Variants in CADM2 observed in about 807,000 individuals in gnomAD.
CADM2 encodes immunoglobulin superfamily member 4D.
In CADM2, 12 loss-of-function variants were observed where a neutral mutation model predicts 49.8. That is an observed-to-expected ratio of 0.24 (90% CI 0.15 to 0.39). CADM2 has a LOEUF of 0.39. Ranked by LOEUF, CADM2 falls within the 10% of genes least tolerant of loss-of-function variation. CADM2 has a pLI of 1.00. For synonymous variants in CADM2, 214 were observed against 175.4 expected (o/e 1.22, Z -1.74); for missense variants, 378 against 492.3 (o/e 0.77, Z 2.20).
chr3:85,685,199 G>A (rs767146167), intron 1 of CADM2, among the ~76,000 whole-genome samples: 43 of 152,150 alleles, frequency 2.8e-4, no homozygotes, highest in Non-Finnish European at 5.7e-4. Context: ...ATTTTAGAAT[G>A]ATCTGTCAGT....
chr3:85,883,689 T>A (rs1713147783), intron 4 of CADM2, among the ~76,000 whole-genome samples: 1 of 152,360 alleles, frequency 6.6e-6, no homozygotes, highest in African/African-American at 2.4e-5. Context: ...ATTTTGTTTC[T>A]TAGCCAGCAA....
intron 5 of CADM2, among the ~76,000 whole-genome samples, chr3:85,897,206 C>T (rs149035160): frequency 9.2e-6 from 1 of 108,146 alleles, no homozygotes; most frequent in East Asian, 3.3e-4. Context: ...ATTAATGTTT[C>T]TGAGAATTAC....
At chr3:84,998,173 T>C (rs9828496) in intron 1 of CADM2, among the ~76,000 whole-genome samples, 37,190 of 152,104 alleles carry the variant, frequency 0.24, 5,494 homozygotes, top group Non-Finnish European at 0.34. Flanking sequence ...GTAAGCTATT[T>C]TTATAATGAG....
chr3:85,435,103 G>T (rs2036864407), intron 1 of CADM2, among the ~76,000 whole-genome samples: 1 of 151,886 alleles, frequency 6.6e-6, no homozygotes, highest in Non-Finnish European at 1.5e-5. Flanking sequence ...ATGTGCCATG[G>T]TGATCTGCTA....
intron 3 of CADM2, among the ~76,000 whole-genome samples, chr3:85,860,910 C>A (rs764752601): frequency 6.6e-6 from 1 of 152,012 alleles, no homozygotes; most frequent in Non-Finnish European, 1.5e-5. Flanking sequence ...CTCTGAGGTG[C>A]GAATATAGCT....
chr3:85,972,163 G>A (rs1175435489), intron 8 of CADM2, among the ~76,000 whole-genome samples: 4 of 151,630 alleles, frequency 2.6e-5, no homozygotes, highest in Admixed American at 2.0e-4. Context: ...ATAGGCTGCT[G>A]CATGTAGCTG....
intron 1 of CADM2, among the ~76,000 whole-genome samples, chr3:85,708,646 A>G (rs2067021941): frequency 1.3e-5 from 2 of 152,210 alleles, no homozygotes; most frequent in African/African-American, 4.8e-5. Flanking sequence ...AAAAAGTTAA[A>G]CAAAGACAAA....
chr3:85,880,812 G>A (rs1450329419), intron 3 of CADM2, among the ~76,000 whole-genome samples: 1 of 152,178 alleles, frequency 6.6e-6, no homozygotes, highest in Non-Finnish European at 1.5e-5. Flanking sequence ...AGCTCAGGCA[G>A]TGATGCTAGC....
chr3:84,970,370 A>G (rs1448539221), intron 1 of CADM2, among the ~76,000 whole-genome samples: 1 of 151,846 alleles, frequency 6.6e-6, no homozygotes, highest in Non-Finnish European at 1.5e-5. Context: ...CTCGAAACCA[A>G]GGGAGAAAAG....
chr3:85,921,360 AC>A (rs1468275218), intron 6 of CADM2, among the ~76,000 whole-genome samples: 1 of 151,932 alleles, frequency 6.6e-6, no homozygotes, highest in East Asian at 1.9e-4. Flanking sequence ...CATGAGAAAA[AC>A]GTATAGTTAG....
At chr3:85,182,284 T>A (rs989004829) in intron 1 of CADM2, among the ~76,000 whole-genome samples, 1 of 152,072 alleles carries the variant, frequency 6.6e-6, no homozygotes, top group African/African-American at 2.4e-5. Context: ...TCTTATAGAA[T>A]CTGGAAAGGG....
At chr3:85,833,755 A>T (rs1357208496) in intron 3 of CADM2, among the ~76,000 whole-genome samples, 2 of 151,658 alleles carry the variant, frequency 1.3e-5, no homozygotes, top group African/African-American at 4.8e-5. Flanking sequence ...TAATTAATAT[A>T]GCTTTGTTAC....
chr3:86,024,678 C>G (rs1733660518), intron 8 of CADM2, among the ~76,000 whole-genome samples: 1 of 152,048 alleles, frequency 6.6e-6, no homozygotes, highest in East Asian at 1.9e-4. Context: ...AAACTTTTAT[C>G]ACATTGTGGG....
At chr3:85,087,113 C>T (rs1246847613) in intron 1 of CADM2, among the ~76,000 whole-genome samples, 3 of 152,072 alleles carry the variant, frequency 2.0e-5, no homozygotes, top group Non-Finnish European at 2.9e-5. Flanking sequence ...AGGTCAAAAA[C>T]TTCTGATGAC....
At chr3:85,127,431 G>A (rs1313699407) in intron 1 of CADM2, among the ~76,000 whole-genome samples, 1 of 152,160 alleles carries the variant, frequency 6.6e-6, no homozygotes, top group African/African-American at 2.4e-5. Context: ...TTCGTAAAGG[G>A]CCAACTGGCC....
rs549892971 is a variant in CADM2 at position 85,214,342 on chromosome 3, G to A, written c.61+254674G>A. On this transcript the variant is annotated intron_variant, in intron 1 of 9. Transcript: ENST00000383699. ...TAGAGCTGGGAGAGAGGTAACACAG[G>A]CACCTCTGTGGCCACCACCGTTGGT... 2.0e-5 allele frequency among the ~76,000 whole-genome samples: 3 copies of A among 152,088 alleles called. No individual in the cohort carries two copies. The South Asian group carries it at 6.2e-4, about 32-fold the overall frequency.
At chr3:85,956,560 C>A (rs1489956075) in intron 7 of CADM2, among the ~76,000 whole-genome samples, 1 of 151,354 alleles carries the variant, frequency 6.6e-6, no homozygotes, top group African/African-American at 2.4e-5. Context: ...ATCAAGAATT[C>A]TTGAAGGATT....
At chr3:85,363,313 G>A (rs748501830) in intron 1 of CADM2, among the ~76,000 whole-genome samples, 1 of 152,060 alleles carries the variant, frequency 6.6e-6, no homozygotes. Flanking sequence ...AATCAATGAG[G>A]TCATTTTTAT....
At chr3:85,571,805 C>G (rs17460638) in intron 1 of CADM2, among the ~76,000 whole-genome samples, 31,444 of 152,044 alleles carry the variant, frequency 0.21, 3,869 homozygotes, top group East Asian at 0.3. Flanking sequence ...TTTGTAAGGT[C>G]TGCTTTTGAG....
Sources: allele counts gnomAD v4.1 joint callset (sites outside exome capture counted in the v4.1 genomes callset), GRCh38; gene constraint gnomAD v4.1.1; transcripts MANE v1.5; gene names NCBI Gene and HGNC (gene_info 2026-07-23, HGNC 2026-07-21).